NBR1: variants seen among roughly 807,000 people sequenced by gnomAD.
The protein encoded by NBR1 is NBR1 autophagy cargo receptor, also known as next to BRCA1 gene 1 protein.
NBR1 carries 59 observed loss-of-function variants against 115.5 expected under a neutral mutation model. The observed-to-expected ratio is 0.51, with a 90% CI of 0.41 to 0.63. NBR1 has a LOEUF of 0.63. NBR1 is among the 30% of genes least tolerant of loss of function. NBR1 has a pLI of 0.00. For synonymous variants in NBR1, 373 were observed against 414.7 expected, an observed-to-expected ratio of 0.90 and a Z score of 1.22; for missense variants, 1,043 against 1,150.5, an observed-to-expected ratio of 0.91 and a Z score of 1.35.
chr17:43,209,857 A>G, intron 20 of NBR1, 44 bp from the exon 21 acceptor site: 1 of 1,457,636 alleles, frequency 6.9e-7, no homozygotes, highest in Non-Finnish European at 9.1e-7. Flanking sequence ...TTTAAATTAT[A>G]CAGAATTTTT....
At chr17:43,184,372 C>CTTTTTTTTTTTCTTT in intron 5 of NBR1, among the ~76,000 whole-genome samples, 1 of 96,202 alleles carries the variant, frequency 1.0e-5, no homozygotes, top group Admixed American at 1.5e-4. Context: ...AAATACTATT[C>CTTTTTTTTTTTCTTT]TTTTTTTTTT....
At chr17:43,208,681 AGAGGCCAGGC>A in intron 20 of NBR1, among the ~76,000 whole-genome samples, 1 of 152,362 alleles carries the variant, frequency 6.6e-6, no homozygotes, top group South Asian at 2.1e-4. Context: ...TAACAGAACC[AGAGGCCAGGC>A]GAGGTGGCTC....
chr17:43,199,692 A>G (rs1202526442), intron 16 of NBR1, among the ~76,000 whole-genome samples: 1 of 151,884 alleles, frequency 6.6e-6, no homozygotes, highest in Admixed American at 6.6e-5. Context: ...GCTTTTTTCT[A>G]TCCTTTTTTA....
intron 1 of NBR1, among the ~76,000 whole-genome samples, chr17:43,173,841 AC>A (rs2056439162): frequency 4.7e-5 from 1 of 21,056 alleles, no homozygotes; most frequent in African/African-American, 1.9e-4. Flanking sequence ...CCCCACCCCC[AC>A]CCCCGCAGAC....
At chr17:43,202,972 A>G (rs935296992) in intron 19 of NBR1, among the ~76,000 whole-genome samples, 2 of 152,154 alleles carry the variant, frequency 1.3e-5, no homozygotes, top group South Asian at 2.1e-4. Context: ...CCTGGCCAAC[A>G]TAGCGAAACC....
intron 6 of NBR1, among the ~76,000 whole-genome samples, chr17:43,188,745 A>T (rs1057103156): frequency 1.3e-5 from 2 of 152,118 alleles, no homozygotes; most frequent in African/African-American, 4.8e-5. Context: ...GTTTCAGTCT[A>T]TCCAATTTCT....
chr17:43,178,389 T>TTTG, intron 3 of NBR1, among the ~76,000 whole-genome samples: 1 of 150,612 alleles, frequency 6.6e-6, no homozygotes. Flanking sequence ...CTTTTTTTTT[T>TTTG]TTTGTGAGAT....
At chr17:43,190,092 C>T (rs375876564) in intron 8 of NBR1, 128 of 326,962 alleles carry the variant, frequency 3.9e-4, no homozygotes, top group East Asian at 3.0e-3. Context: ...GTTCCAAATG[C>T]CTTTTTTTTT....
intron 20 of NBR1, among the ~76,000 whole-genome samples, chr17:43,208,591 G>A (rs2057359466): frequency 6.6e-6 from 1 of 152,184 alleles, no homozygotes; most frequent in Non-Finnish European, 1.5e-5. Flanking sequence ...TAGGGTTTGA[G>A]TCTAAGCCTA....
rs779762144 is a variant in NBR1 at position 43,189,023 on chromosome 17, G to A, written c.403-19G>A. The A allele has an allele frequency of 4.5e-6, 7 of 1,571,534 alleles. No homozygotes were observed. Among genetic ancestry groups the A allele is most frequent in the South Asian group, 2.2e-5 (2 of 90,100 alleles). On this transcript the variant is annotated intron_variant, in intron 6 of 20. Transcript: ENST00000590996. ...TAGAAAAAGTAACCTCTAACATCTCGGCTTGTGTTTTCTCCCAGTCGTTTC... is the reference window on the plus strand; with the variant it reads ...TAGAAAAAGTAACCTCTAACATCTCAGCTTGTGTTTTCTCCCAGTCGTTTC...
rs1215804311 is a variant in NBR1, at chr17:43,201,773, C to G, written c.2556C>G (p.Ile852Met). 2 of 1,572,094 alleles carry G rather than the reference C, an allele frequency of 1.3e-6. No individual in the cohort carries two copies. The change falls in exon 18 of 21, where the codon ATC (isoleucine) becomes ATG (methionine). Residue 852 changes from isoleucine (I) to methionine (M), a missense_variant. Physicochemically the swap from Ile to Met is conservative, Grantham distance 10 (BLOSUM62 1). Transcript: ENST00000590996. The stretch of plus-strand genomic sequence containing the variant: ...AAGTTTCTTCAGTCCCTGATCAGAT[C>G]AGAGGAGGTAATGATCAGCCTAAGC... ...IPEVSSVPDQ[I>M]RGEPRGSSGL...
rs750178073 is a variant in NBR1, at chr17:43,191,429, T to C, written c.921T>C (p.Ala307=). 27 of 1,613,424 alleles carry C rather than the reference T, an allele frequency of 1.7e-5. No homozygotes were observed. The highest frequency in any genetic ancestry group is 5.5e-5 in the South Asian group (5 of 90,966). Residue 307 remains alanine (A), a synonymous_variant, in exon 10 of 21, where the codon GCT becomes GCC. Coordinates refer to ENST00000590996, the MANE Select transcript of NBR1 (RefSeq NM_005899.5). ...AAGCAGAAAAGCAAAGGTTGCGAGCTGAGAAGAAACAACGTAAAGCAGAGG... is the reference window on the plus strand; with the variant it reads ...AAGCAGAAAAGCAAAGGTTGCGAGCCGAGAAGAAACAACGTAAAGCAGAGG... The part of the protein sequence containing the change: ...FLKAEKQRLR[A]EKKQRKAEVK...
chr17:43,191,552 T>C lies in NBR1; in HGVS notation c.1044T>C (p.Pro348=). Residue 348 remains proline (P), a synonymous_variant, in exon 10 of 21, where the codon CCT becomes CCC. Coordinates refer to ENST00000590996, the MANE Select transcript of NBR1 (RefSeq NM_005899.5). ...GCCCCAAGTCTCCTTTAGGCCGACCTGAGAGCTTGCTCCAGTCTAATACCC... is the reference window on the plus strand; with the variant it reads ...GCCCCAAGTCTCCTTTAGGCCGACCCGAGAGCTTGCTCCAGTCTAATACCC... ...LQSPKSPLGR[P]ESLLQSNTLM... is the part of the protein sequence containing the mutation. 6.2e-7 allele frequency: 1 copy of C among 1,612,782 alleles called. No individual in the cohort carries two copies. The highest frequency in any genetic ancestry group is 8.5e-7 in the Non-Finnish European group (1 of 1,179,376).
In NBR1 at chr17:43,179,345, C is replaced by T. The variant is rs374312471; in HGVS notation, c.166-49C>T. 2.5e-6 allele frequency: 4 copies of T among 1,580,920 alleles called. No individual in the cohort carries two copies. In the African/African-American group the frequency reaches 5.4e-5, roughly 21 times the overall value. ...GGCTGGTCCTAGTAACAGAAATGCT[C>T]AACTGATGAGACACTTATAATTCAC... On this transcript the variant is annotated intron_variant, in intron 3 of 20. Coordinates refer to ENST00000590996, the MANE Select transcript of NBR1 (RefSeq NM_005899.5).
At chr17:43,190,819 C>G (rs778525147) in intron 9 of NBR1, 43 bp downstream of exon 9, 2 of 1,534,462 alleles carry the variant, frequency 1.3e-6, no homozygotes, top group South Asian at 2.6e-5. Flanking sequence ...TGATTGACTT[C>G]TTGGTTCTGG....
chr17:43,193,022 C>G, intron 10 of NBR1, 72 bp from the exon 11 acceptor site: 8 of 1,475,890 alleles, frequency 5.4e-6, no homozygotes, highest in Non-Finnish European at 6.5e-6. Flanking sequence ...GTCAGACTCT[C>G]AAGCTAGTGT....
At chr17:43,203,286 G>C (rs566791608) in intron 19 of NBR1, among the ~76,000 whole-genome samples, 1 of 152,266 alleles carries the variant, frequency 6.6e-6, no homozygotes, top group East Asian at 1.9e-4. Flanking sequence ...GGACATACCT[G>C]GTTCTCTGCT....
At chr17:43,193,027 T>C (rs947170074) in intron 10 of NBR1, 67 bp from the exon 11 acceptor site, 10 of 1,495,270 alleles carry the variant, frequency 6.7e-6, no homozygotes, top group African/African-American at 1.4e-5. Flanking sequence ...ACTCTCAAGC[T>C]AGTGTGAGGT....
At chr17:43,173,549 T>A (rs567999312) in intron 1 of NBR1, among the ~76,000 whole-genome samples, 2 of 152,326 alleles carry the variant, frequency 1.3e-5, no homozygotes, top group East Asian at 3.9e-4. Flanking sequence ...CTTCCCAAAA[T>A]GCTGGAATTA....
Sources: gnomAD v4.1 joint callset for allele counts (sites outside exome capture counted in the v4.1 genomes callset) on GRCh38, gnomAD v4.1.1 for gene constraint, MANE v1.5 for transcripts, NCBI Gene and HGNC (gene_info 2026-07-23, HGNC 2026-07-21) for gene names.